ARRDC3: variants seen among roughly 807,000 people sequenced by gnomAD.
ARRDC3 encodes arrestin domain containing 3.
In ARRDC3, 10 loss-of-function variants were observed where a neutral mutation model predicts 47.2. The ratio of observed to expected loss-of-function variants is 0.21; its 90% confidence interval spans 0.13 to 0.36. The LOEUF is 0.36. ARRDC3 is among the 10% of genes least tolerant of loss of function. The pLI, the probability that ARRDC3 is intolerant of heterozygous loss-of-function variation, is 1.00. For missense variants in ARRDC3, 381 were observed against 503.6 expected (o/e 0.76, Z 2.33); for synonymous variants, 156 against 178.3 (o/e 0.87, Z 1.00).
chr5:91,375,295 A>C (rs1044541037), intron 4 of ARRDC3, 117 bp from the exon 5 acceptor site: 2 of 1,123,006 alleles, frequency 1.8e-6, no homozygotes, highest in Non-Finnish European at 2.5e-6. Flanking sequence ...ATGTCCCAGG[A>C]ACTGCAAATA....
intron 3 of ARRDC3, 134 bp downstream of exon 3, chr5:91,376,487 A>G (rs1346757071): frequency 6.0e-6 from 5 of 832,368 alleles, no homozygotes; most frequent in Non-Finnish European, 9.1e-6. Context: ...TGTATTTAAG[A>G]AAATGTATAT....
chr5:91,374,291 G>C lies in ARRDC3; in HGVS notation c.871-15C>G. 6.3e-7 allele frequency: 1 copy of C among 1,595,262 alleles called. No homozygotes were observed. Among genetic ancestry groups the C allele is most frequent in the Non-Finnish European group, 8.6e-7 (1 of 1,169,258 alleles). ...TCCACATATACCTAAACATTGCAAAGAAATATTAAGTTTAGAATGCCAAGT... is the reference window on the plus strand; with the variant it reads ...TCCACATATACCTAAACATTGCAAACAAATATTAAGTTTAGAATGCCAAGT... On this transcript the variant is annotated splice_polypyrimidine_tract_variant and intron_variant, in intron 5 of 7. Transcript: ENST00000265138.
In ARRDC3 at chr5:91,376,623, G is replaced by A. The variant is rs1340849756; in HGVS notation, c.508C>T (p.Leu170=). The change falls in exon 3 of 8, where the codon CTG becomes TTG. Residue 170 remains leucine (L), a splice_region_variant and synonymous_variant. Coordinates refer to ENST00000265138, the MANE Select transcript of ARRDC3 (RefSeq NM_020801.4). ...EHIDINTPSL[L]SPQAGTKEKT... ...TAAATAATTCAGTCAATTCTTACCA[G>A]TAATGAAGGAGTGTTGATATCTATA... 1.2e-6 allele frequency: 2 copies of A among 1,602,572 alleles called. No individual in the cohort carries two copies. Among genetic ancestry groups the A allele is most frequent in the African/African-American group, 1.3e-5 (1 of 74,418 alleles).
intron 4 of ARRDC3, 39 bp from the exon 5 acceptor site, chr5:91,375,217 A>T (rs1410406731): frequency 6.4e-7 from 1 of 1,567,466 alleles, no homozygotes; most frequent in Non-Finnish European, 8.6e-7. Context: ...ACTGTTAGAA[A>T]AAAACAACAA....
chr5:91,374,454 A>G (rs541834208), intron 5 of ARRDC3, among the ~76,000 whole-genome samples, 178 bp from the exon 6 acceptor site: 1 of 152,330 alleles, frequency 6.6e-6, no homozygotes, highest in African/African-American at 2.4e-5. Context: ...ATAAGGTATA[A>G]TTGTAAGTCA....
At position 91,383,280 on chromosome 5, in the gene ARRDC3, C is replaced by G. The variant is rs1435589499; in HGVS notation, c.-188G>C. The G allele has an allele frequency of 5.4e-6, 3 of 559,810 alleles. No homozygotes were observed. Among genetic ancestry groups the G allele is most frequent in the Non-Finnish European group, 6.1e-6 (2 of 330,100 alleles). The allele number at this position is 559,810 out of a possible 1,614,324, so 34.7% of individuals were successfully genotyped here. On this transcript the variant is annotated 5_prime_UTR_variant, in exon 1 of 8. Transcript: ENST00000265138. ...GTCAGGGCAGCAGAGGCTGCTGCTCCGCGCTCCCGCTCGTCTCAGTGGTCT... is the reference window on the plus strand; with the variant it reads ...GTCAGGGCAGCAGAGGCTGCTGCTCGGCGCTCCCGCTCGTCTCAGTGGTCT...
intron 3 of ARRDC3, 116 bp from the exon 4 acceptor site, chr5:91,375,729 G>A (rs745307405): frequency 3.1e-6 from 2 of 649,450 alleles, no homozygotes; most frequent in Non-Finnish European, 4.6e-6. Context: ...AACTGGTTTT[G>A]CTTTTTTTTT....
intron 7 of ARRDC3, 79 bp from the exon 8 acceptor site, chr5:91,371,535 GA>G: frequency 9.6e-7 from 1 of 1,038,324 alleles, no homozygotes; most frequent in Non-Finnish European, 1.4e-6. Context: ...CTACAATTCT[GA>G]ATACTAGTCA....
intron 4 of ARRDC3, 34 bp from the exon 5 acceptor site, chr5:91,375,212 T>A: frequency 6.4e-7 from 1 of 1,573,332 alleles, no homozygotes; most frequent in Non-Finnish European, 8.6e-7. Context: ...TATCTACTGT[T>A]AGAAAAAAAC....
intron 4 of ARRDC3, 81 bp from the exon 5 acceptor site, chr5:91,375,259 A>G: frequency 7.0e-7 from 1 of 1,423,194 alleles, no homozygotes; most frequent in Non-Finnish European, 9.5e-7. Context: ...CTAAAGTAAG[A>G]AAGTGCAACT....
Position 91,382,890 on chromosome 5 carries a change from T to C in ARRDC3, c.203A>G (p.Asn68Ser), listed in dbSNP as rs1189140916. 1 of 1,614,186 alleles carries C rather than the reference T, an allele frequency of 6.2e-7. No homozygotes were observed. The highest frequency in any genetic ancestry group is 1.1e-5 in the South Asian group (1 of 91,086). Reference sequence around the variant, plus strand: ...AGTGTAATTCTGTGTATAGGCAGTATTGGAGCCGGCGTTTCTAGATTCAGT... The same window carrying C: ...AGTGTAATTCTGTGTATAGGCAGTACTGGAGCCGGCGTTTCTAGATTCAGT... ...RWTESRNAGS[N>S]TAYTQNYTEE... is the part of the protein sequence containing the mutation. The change falls in exon 1 of 8, where the codon AAT (asparagine) becomes AGT (serine). Residue 68 changes from asparagine (N) to serine (S), a missense_variant. Physicochemically the swap from Asn to Ser is conservative, Grantham distance 46. Transcript: ENST00000265138.
intron 2 of ARRDC3, 41 bp downstream of exon 2, chr5:91,378,653 C>T: frequency 9.0e-7 from 1 of 1,105,812 alleles, no homozygotes; most frequent in South Asian, 1.5e-5. Flanking sequence ...ATGCTCTGAT[C>T]ATAAGTATCT....
rs972741735 is a variant in ARRDC3, at chr5:91,376,961, TA to T, written c.363-194del. Among the ~76,000 whole-genome samples the T allele has an allele frequency of 7.9e-5, 12 of 152,132 alleles. 1 individual carries two copies. The highest frequency in any genetic ancestry group is 2.9e-4 in the African/African-American group (12 of 41,444). On this transcript the variant is annotated intron_variant, in intron 2 of 7. Transcript: ENST00000265138. ...CCTATTTCCAACTAAGAATAAACAA[TA>T]AATATCTTTAAAATTTTGCTTTAAA... is the stretch of plus-strand genomic sequence containing the variant.
At chr5:91,376,135 C>T (rs1443116504) in intron 3 of ARRDC3, among the ~76,000 whole-genome samples, 1 of 152,102 alleles carries the variant, frequency 6.6e-6, no homozygotes, top group Non-Finnish European at 1.5e-5. Context: ...TATTTTCAGA[C>T]AAATGCAATT....
intron 1 of ARRDC3, 27 bp from the exon 2 acceptor site, chr5:91,378,802 AG>A: frequency 6.8e-7 from 1 of 1,462,204 alleles, no homozygotes; most frequent in Non-Finnish European, 9.4e-7. Context: ...AAGAAAACAA[AG>A]AATTTATTAT....
intron 1 of ARRDC3, chr5:91,380,153 G>C (rs1799412624): frequency 6.5e-6 from 1 of 153,058 alleles, no homozygotes; most frequent in Non-Finnish European, 1.5e-5. Context: ...TCAAGAACTA[G>C]ACCGGAGCAG....
chr5:91,375,468 TA>T, intron 4 of ARRDC3, 42 bp downstream of exon 4: 1 of 1,328,020 alleles, frequency 7.5e-7, no homozygotes, highest in Non-Finnish European at 1.1e-6. Context: ...ACACAAAAGC[TA>T]AGTGAAGAAA....
chr5:91,383,233 G>A lies in ARRDC3; in HGVS notation c.-141C>T. The A allele has an allele frequency of 1.3e-6, 1 of 770,492 alleles. No individual in the cohort carries two copies. The highest frequency in any genetic ancestry group is 2.0e-5 in the South Asian group (1 of 50,220). The allele number at this position is 770,492 out of a possible 1,614,324, so 47.7% of individuals were successfully genotyped here. A position where few individuals can be genotyped will look rare whatever the true frequency, so the allele number is the denominator to read the frequency against. On this transcript the variant is annotated 5_prime_UTR_variant, in exon 1 of 8. Coordinates refer to ENST00000265138, the MANE Select transcript of ARRDC3 (RefSeq NM_020801.4). ...CCGGATCAGTGATTCTCTACAAATA[G>A]TTCATTGAGATTTCTTAAAAAGTCA...
rs1181624624 is a variant in ARRDC3, at chr5:91,376,581, A to G, written c.510+40T>C. 6 of 1,523,510 alleles carry G rather than the reference A, an allele frequency of 3.9e-6. No individual in the cohort carries two copies. In the South Asian group the frequency reaches 7.2e-5, roughly 18 times the overall value. The allele number at this position is 1,523,510 out of a possible 1,614,324, so 94.4% of individuals were successfully genotyped here. ...TGATTGATTATTCTTTAATATTTAT[A>G]TGCCAAAAACAAAGAATAAATAATT... On this transcript the variant is annotated intron_variant, in intron 3 of 7. Coordinates refer to ENST00000265138, the MANE Select transcript of ARRDC3 (RefSeq NM_020801.4).
Sources: allele counts gnomAD v4.1 joint callset (sites outside exome capture counted in the v4.1 genomes callset), GRCh38; gene constraint gnomAD v4.1.1; transcripts MANE v1.5; gene names NCBI Gene and HGNC (gene_info 2026-07-23, HGNC 2026-07-21).